ELOVL5: variants seen among roughly 807,000 people sequenced by gnomAD.
ELOVL5 encodes very long chain fatty acid elongase 5.
ELOVL5 carries 8 observed loss-of-function variants against 38.6 expected under a neutral mutation model. The observed-to-expected ratio is 0.21, with a 90% CI of 0.12 to 0.37. The LOEUF is 0.37. Ranked by LOEUF, ELOVL5 falls within the 10% of genes least tolerant of loss-of-function variation. ELOVL5 has a pLI of 1.00. For synonymous variants in ELOVL5, 127 were observed against 133.7 expected (o/e 0.95, Z 0.34); for missense variants, 280 against 367.8 (o/e 0.76, Z 1.95).
At chr6:53,318,773 C>T (rs1001372379) in intron 1 of ELOVL5, among the ~76,000 whole-genome samples, 6 of 152,100 alleles carry the variant, frequency 3.9e-5, no homozygotes, top group African/African-American at 1.4e-4. Context: ...CAAAAAAGCA[C>T]ATACTCGTAA....
intron 1 of ELOVL5, among the ~76,000 whole-genome samples, chr6:53,305,524 C>A (rs1349805846): frequency 2.9e-5 from 4 of 139,392 alleles, no homozygotes; most frequent in Non-Finnish European, 6.2e-5. Flanking sequence ...ACTTCTCAGA[C>A]GGGGCGGCCG....
At chr6:53,326,199 CTAG>C in intron 1 of ELOVL5, among the ~76,000 whole-genome samples, 1 of 152,166 alleles carries the variant, frequency 6.6e-6, no homozygotes, top group East Asian at 1.9e-4. Context: ...CCACCTCTTC[CTAG>C]CTGCACCACC....
Position 53,294,133 on chromosome 6 carries a change from C to T in ELOVL5, c.58+1509G>A, listed in dbSNP as rs142452656. ...TTACACTTTGCTTTATTCATTTTCC[C>T]ACAAATACTCATCTTTCCAAATTGG... On this transcript the variant is annotated intron_variant, in intron 2 of 7. Transcript: ENST00000304434. 2.3e-4 allele frequency: 326 copies of T among 1,405,732 alleles called. 5 individuals are homozygous for T. In the East Asian group the frequency reaches 8.0e-3, roughly 35 times the overall value. 87.1% of individuals were successfully genotyped at this position (1,405,732 alleles called of 1,614,324 possible). A position where few individuals can be genotyped will look rare whatever the true frequency, so the allele number is the denominator to read the frequency against.
intron 1 of ELOVL5, among the ~76,000 whole-genome samples, chr6:53,307,786 C>A (rs936848505): frequency 6.6e-6 from 1 of 152,172 alleles, no homozygotes; most frequent in African/African-American, 2.4e-5. Context: ...AACCTTAGTA[C>A]AGAGCAGAAA....
intron 6 of ELOVL5, among the ~76,000 whole-genome samples, chr6:53,271,793 G>C (rs1375225982): frequency 1.3e-5 from 2 of 152,008 alleles, no homozygotes; most frequent in Non-Finnish European, 2.9e-5. Context: ...TAGTACTGCA[G>C]ACTGAGGAAT....
intron 1 of ELOVL5, among the ~76,000 whole-genome samples, chr6:53,302,501 G>A (rs562151053): frequency 2.8e-4 from 42 of 152,244 alleles, no homozygotes; most frequent in South Asian, 1.2e-3. Context: ...GATGAAGTAC[G>A]TCTCAAGGAG....
At chr6:53,273,731 A>G (rs1322224424) in intron 5 of ELOVL5, among the ~76,000 whole-genome samples, 1 of 152,238 alleles carries the variant, frequency 6.6e-6, no homozygotes, top group Non-Finnish European at 1.5e-5. Context: ...CTGATGGGCA[A>G]TATGCTCAAA....
intron 3 of ELOVL5, among the ~76,000 whole-genome samples, chr6:53,279,581 A>C (rs186703394): frequency 1.3e-5 from 2 of 152,330 alleles, no homozygotes; most frequent in African/African-American, 4.8e-5. Context: ...TATTTGCTAA[A>C]CAAATGACAA....
chr6:53,287,314 T>C (rs1436324827), intron 3 of ELOVL5, among the ~76,000 whole-genome samples: 2 of 152,226 alleles, frequency 1.3e-5, no homozygotes, highest in Non-Finnish European at 2.9e-5. Flanking sequence ...ACTAAATAAC[T>C]TGAAAATGTG....
At chr6:53,347,451 T>C (rs1769600888) in intron 1 of ELOVL5, among the ~76,000 whole-genome samples, 1 of 152,206 alleles carries the variant, frequency 6.6e-6, no homozygotes, top group South Asian at 2.1e-4. Flanking sequence ...TGTTTCTATC[T>C]GTAGATTCTG....
At chr6:53,275,297 T>G (rs1224158464) in intron 4 of ELOVL5, 36 bp from the exon 5 acceptor site, 10 of 1,598,164 alleles carry the variant, frequency 6.3e-6, no homozygotes, top group Non-Finnish European at 8.6e-6. Context: ...AGGCTTATCC[T>G]CACGGCTTCT....
intron 1 of ELOVL5, among the ~76,000 whole-genome samples, chr6:53,321,925 A>T (rs1480364322): frequency 6.6e-6 from 1 of 152,222 alleles, no homozygotes; most frequent in East Asian, 1.9e-4. Flanking sequence ...CAGGTCACCC[A>T]TGTTAGGAGC....
chr6:53,319,031 C>T (rs1173566777), intron 1 of ELOVL5, among the ~76,000 whole-genome samples: 1 of 151,858 alleles, frequency 6.6e-6, no homozygotes, highest in Non-Finnish European at 1.5e-5. Flanking sequence ...TGCCTGTAAT[C>T]CCAGCACTTT....
intron 1 of ELOVL5, among the ~76,000 whole-genome samples, chr6:53,308,105 C>G (rs1024752057): frequency 7.1e-6 from 1 of 140,846 alleles, no homozygotes; most frequent in African/African-American, 2.9e-5. Context: ...TTTAAAATAA[C>G]ATTATCAAGT....
At chr6:53,341,770 T>C (rs1769342375) in intron 1 of ELOVL5, among the ~76,000 whole-genome samples, 1 of 152,236 alleles carries the variant, frequency 6.6e-6, no homozygotes, top group Admixed American at 6.5e-5. Context: ...TTAGAAACAA[T>C]GCTTCAATAA....
intron 1 of ELOVL5, among the ~76,000 whole-genome samples, chr6:53,309,457 A>G (rs930068000): frequency 6.6e-6 from 1 of 152,106 alleles, no homozygotes; most frequent in East Asian, 1.9e-4. Flanking sequence ...GCTGCTTCCT[A>G]TTATATTCGT....
At chr6:53,313,930 A>AC (rs1767939063) in intron 1 of ELOVL5, among the ~76,000 whole-genome samples, 1 of 152,104 alleles carries the variant, frequency 6.6e-6, no homozygotes. Flanking sequence ...GAGCTGTTCA[A>AC]CCCCCACAGC....
At chr6:53,313,400 T>A (rs932239885) in intron 1 of ELOVL5, among the ~76,000 whole-genome samples, 3 of 152,160 alleles carry the variant, frequency 2.0e-5, no homozygotes, top group African/African-American at 7.2e-5. Context: ...TCACTCTGTC[T>A]CCCAGGCTAG....
At chr6:53,317,104 G>C (rs1220670472) in intron 1 of ELOVL5, among the ~76,000 whole-genome samples, 3 of 152,276 alleles carry the variant, frequency 2.0e-5, no homozygotes, top group Admixed American at 1.3e-4. Context: ...ATGTATTCCT[G>C]CTGTCCTAAG....
Sources: gnomAD v4.1 joint callset for allele counts (sites outside exome capture counted in the v4.1 genomes callset) on GRCh38, gnomAD v4.1.1 for gene constraint, MANE v1.5 for transcripts, NCBI Gene and HGNC (gene_info 2026-07-23, HGNC 2026-07-21) for gene names.